Variants in CSTF3 observed in about 807,000 individuals in gnomAD.
CSTF3 encodes the protein CF-1 77 kDa subunit.
A neutral mutation model predicts 105.8 loss-of-function variants in CSTF3; 29 were observed. The observed-to-expected ratio is 0.27, with a 90% CI of 0.20 to 0.37. CSTF3 has a LOEUF of 0.37. Among genes scored for constraint, CSTF3 ranks in the 10% least tolerant of loss-of-function variants. CSTF3 has a pLI of 1.00. For missense variants in CSTF3, 357 were observed against 879.3 expected (o/e 0.41, Z 7.51); for synonymous variants, 252 against 281.9 (o/e 0.89, Z 1.06).
intron 1 of CSTF3, among the ~76,000 whole-genome samples, chr11:33,144,425 T>A (rs10836025): frequency 0.56 from 84,593 of 151,998 alleles, 26,140 homozygotes; most frequent in Non-Finnish European, 0.69. Context: ...TATTGGCTCT[T>A]CCCATATATG....
intron 10 of CSTF3, 63 bp downstream of exon 10, chr11:33,102,114 A>C: frequency 7.0e-7 from 1 of 1,421,850 alleles, no homozygotes; most frequent in Non-Finnish European, 9.8e-7. Flanking sequence ...TTAGTAACCT[A>C]TGGGGATACC....
intron 15 of CSTF3, among the ~76,000 whole-genome samples, chr11:33,095,582 G>A (rs373834405): frequency 6.6e-6 from 1 of 151,948 alleles, no homozygotes; most frequent in African/African-American, 2.4e-5. Flanking sequence ...AGCACTTTGG[G>A]AGGCCGAGGC....
intron 3 of CSTF3, among the ~76,000 whole-genome samples, chr11:33,126,471 T>C (rs989388630): frequency 6.6e-6 from 1 of 152,114 alleles, no homozygotes; most frequent in Admixed American, 6.5e-5. Context: ...AGTATAAATC[T>C]TTCTCTTATG....
chr11:33,147,577 A>C (rs1011466501), intron 1 of CSTF3, among the ~76,000 whole-genome samples: 2 of 145,778 alleles, frequency 1.4e-5, no homozygotes, highest in African/African-American at 5.0e-5. Context: ...ACTTAGTCTC[A>C]AAAAAAAAAA....
intron 1 of CSTF3, among the ~76,000 whole-genome samples, chr11:33,159,098 G>A (rs1849903135): frequency 6.6e-6 from 1 of 152,076 alleles, no homozygotes. Flanking sequence ...ACAACATTTT[G>A]CTCTTATTTA....
At chr11:33,151,792 G>A (rs1849784944) in intron 1 of CSTF3, among the ~76,000 whole-genome samples, 1 of 152,114 alleles carries the variant, frequency 6.6e-6, no homozygotes, top group African/African-American at 2.4e-5. Context: ...AGACTTTAAA[G>A]GGGCTGTACT....
chr11:33,154,608 T>A (rs4755355), intron 1 of CSTF3, among the ~76,000 whole-genome samples: 1 of 150,764 alleles, frequency 6.6e-6, no homozygotes, highest in Non-Finnish European at 1.5e-5. Flanking sequence ...GTGATTATCC[T>A]GCCTCAGCCT....
At chr11:33,103,020 T>C (rs187997692) in intron 9 of CSTF3, 87 bp downstream of exon 9, 184 of 845,114 alleles carry the variant, frequency 2.2e-4, no homozygotes, top group Middle Eastern at 9.2e-4. Flanking sequence ...TGACTGAAAA[T>C]ATCAAGAGTA....
At position 33,123,796 on chromosome 11, in the gene CSTF3, C is replaced by T. The variant is rs929466051; in HGVS notation, c.226-15378G>A. 1.1e-4 allele frequency among the ~76,000 whole-genome samples: 17 copies of T among 152,166 alleles called. No individual in the cohort carries two copies. In the South Asian group the frequency reaches 3.5e-3, roughly 32 times the overall value. ...CATCTCTAGATTCTGAACATTGTCT[C>T]TGAGGGGAACTGGTGCCTCAAGAAC... On this transcript the variant is annotated intron_variant, in intron 3 of 20. Coordinates refer to ENST00000323959, the MANE Select transcript of CSTF3 (RefSeq NM_001326.3).
At position 33,097,047 on chromosome 11, in the gene CSTF3, C is replaced by G. The variant is rs1438095559; in HGVS notation, c.1129-69G>C. On this transcript the variant is annotated intron_variant, in intron 13 of 20. Transcript: ENST00000323959. ...GTTTCCTGCATAAGAAAGCAATCCT[C>G]AATACCCAATAAATTAGAAAGTAGG... 2.8e-6 allele frequency: 3 copies of G among 1,054,642 alleles called. No individual in the cohort carries two copies. The African/African-American group carries it at 4.8e-5, about 17-fold the overall frequency. The allele number at this position is 1,054,642 out of a possible 1,614,324, so 65.3% of individuals were successfully genotyped here. A position where few individuals can be genotyped will look rare whatever the true frequency, so the allele number is the denominator to read the frequency against.
chr11:33,084,743 A>G lies in CSTF3; in HGVS notation c.*344T>C. On this transcript the variant is annotated 3_prime_UTR_variant, in exon 21 of 21. Coordinates refer to ENST00000323959, the MANE Select transcript of CSTF3 (RefSeq NM_001326.3). The stretch of plus-strand genomic sequence containing the variant: ...CAGAAAATGTGATAAAATGCTTTAC[A>G]ATCATAAGCCATCCAGTTTTTAAAA... 4.0e-6 allele frequency: 1 copy of G among 247,838 alleles called. No individual in the cohort carries two copies. Among genetic ancestry groups the G allele is most frequent in the South Asian group, 6.3e-5 (1 of 15,892 alleles). The allele number at this position is 247,838 out of a possible 1,614,324, so 15.4% of individuals were successfully genotyped here.
In CSTF3 at chr11:33,099,224, C is replaced by A. The variant is rs1329545829; in HGVS notation, c.937-74G>T. On this transcript the variant is annotated intron_variant, in intron 11 of 20. Transcript: ENST00000323959. This position sits in a 1 kb window ranked among gnomAD's most constrained non-coding sequence, Gnocchi z 4.1. ...TGAGAGAATAAAATTAATAAAGTTACATCTACTTTATTTTATTTATGTGTC... is the reference window on the plus strand; with the variant it reads ...TGAGAGAATAAAATTAATAAAGTTAAATCTACTTTATTTTATTTATGTGTC... The A allele has an allele frequency of 1.3e-6, 2 of 1,496,444 alleles. No individual in the cohort carries two copies. Among genetic ancestry groups the A allele is most frequent in the Non-Finnish European group, 1.8e-6 (2 of 1,114,310 alleles). The allele number at this position is 1,496,444 out of a possible 1,614,324, so 92.7% of individuals were successfully genotyped here. A position where few individuals can be genotyped will look rare whatever the true frequency, so the allele number is the denominator to read the frequency against.
At chr11:33,097,056 A>G (rs995996678) in intron 13 of CSTF3, 78 bp from the exon 14 acceptor site, 3 of 992,522 alleles carry the variant, frequency 3.0e-6, no homozygotes, top group Non-Finnish European at 4.2e-6. Context: ...TCAATACCCA[A>G]TAAATTAGAA....
intron 3 of CSTF3, chr11:33,136,027 T>C (rs542675354): frequency 6.6e-6 from 1 of 152,646 alleles, no homozygotes; most frequent in Non-Finnish European, 1.5e-5. Context: ...TGATGTCAAT[T>C]TGTCTTTAGA....
chr11:33,158,067 G>A lies in CSTF3; in HGVS notation c.27+3232C>T, dbSNP rs566043593. Among the ~76,000 whole-genome samples, 10 of 152,180 alleles carry A rather than the reference G, an allele frequency of 6.6e-5. No individual in the cohort carries two copies. The South Asian group carries it at 1.9e-3, about 28-fold the overall frequency. ...GAATACAGTATCTAGGATTTGCTTC[G>A]AAGTAATGGGGGTGAGAGAAGCAAA... is the stretch of plus-strand genomic sequence containing the variant. On this transcript the variant is annotated intron_variant, in intron 1 of 20. Coordinates refer to ENST00000323959, the MANE Select transcript of CSTF3 (RefSeq NM_001326.3).
chr11:33,085,607 T>C lies in CSTF3; in HGVS notation c.1951+106A>G, dbSNP rs1855096738. The C allele has an allele frequency of 5.9e-6, 6 of 1,019,790 alleles. No individual in the cohort carries two copies. In the East Asian group the frequency reaches 7.2e-5, roughly 12 times the overall value. 63.2% of individuals were successfully genotyped at this position (1,019,790 alleles called of 1,614,324 possible). A position where few individuals can be genotyped will look rare whatever the true frequency, so the allele number is the denominator to read the frequency against. ...CTCCTGGGTTTCACTGCACTTCAAATTGGCTGGCTGGTTTCGAAAACTTCA... is the reference window on the plus strand; with the variant it reads ...CTCCTGGGTTTCACTGCACTTCAAACTGGCTGGCTGGTTTCGAAAACTTCA... On this transcript the variant is annotated intron_variant, in intron 20 of 20. Coordinates refer to ENST00000323959, the MANE Select transcript of CSTF3 (RefSeq NM_001326.3).
At chr11:33,096,029 A>G (rs574121783) in intron 15 of CSTF3, among the ~76,000 whole-genome samples, 2 of 152,118 alleles carry the variant, frequency 1.3e-5, no homozygotes, top group Non-Finnish European at 2.9e-5. Context: ...AGAGATGAAT[A>G]TAAACAACTC....
intron 3 of CSTF3, among the ~76,000 whole-genome samples, chr11:33,115,085 C>T (rs58478170): frequency 0.12 from 18,956 of 152,068 alleles, 2,962 homozygotes; most frequent in African/African-American, 0.37. Flanking sequence ...TGTGAACAAA[C>T]GAATAAATGA....
chr11:33,121,863 A>C (rs960896240), intron 3 of CSTF3, among the ~76,000 whole-genome samples: 10 of 152,332 alleles, frequency 6.6e-5, no homozygotes, highest in African/African-American at 2.4e-4. Flanking sequence ...CTACTATAAC[A>C]GGTCAGTAGA....
Sources: gnomAD v4.1 joint callset for allele counts (sites outside exome capture counted in the v4.1 genomes callset) on GRCh38, gnomAD v4.1.1 for gene constraint, Gnocchi (gnomAD v3.1) non-coding constraint, MANE v1.5 for transcripts, NCBI Gene and HGNC (gene_info 2026-07-23, HGNC 2026-07-21) for gene names.